Variants in RXFP2 observed in about 807,000 individuals in gnomAD.
The protein encoded by RXFP2 is relaxin family peptide receptor 2.
Under a neutral mutation model 88.6 loss-of-function variants are expected in RXFP2, and 68 were observed. The observed-to-expected ratio is 0.77, with a 90% CI of 0.63 to 0.94. The LOEUF (loss-of-function observed/expected upper bound fraction) is 0.94. RXFP2 is among the 40% of genes least tolerant of loss of function. RXFP2 has a pLI of 0.00. For synonymous variants in RXFP2, 329 were observed against 306.8 expected (o/e 1.07, Z -0.76); for missense variants, 791 against 893.9 (o/e 0.88, Z 1.47).
Position 31,802,737 on chromosome 13 carries a change from A to G in RXFP2, c.*332A>G, listed in dbSNP as rs567986373. The G allele has an allele frequency of 4.6e-5, 16 of 347,530 alleles. No homozygotes were observed. Among genetic ancestry groups the G allele is most frequent in the South Asian group, 4.4e-4 (16 of 36,054 alleles). 21.5% of individuals were successfully genotyped at this position (347,530 alleles called of 1,614,324 possible). A position where few individuals can be genotyped will look rare whatever the true frequency, so the allele number is the denominator to read the frequency against. On this transcript the variant is annotated 3_prime_UTR_variant, in exon 18 of 18. Coordinates refer to ENST00000298386, the MANE Select transcript of RXFP2 (RefSeq NM_130806.5). The stretch of plus-strand genomic sequence containing the variant: ...AGGTTGGCACTGTGTGGTCTTTCAC[A>G]TCGGGTTGCACTGTCCATGAAATAG...
chr13:31,775,231 A>T (rs1872892987), intron 6 of RXFP2, 87 bp from the exon 7 acceptor site: 1 of 1,068,258 alleles, frequency 9.4e-7, no homozygotes, highest in Admixed American at 1.7e-5. Flanking sequence ...CATATCCATA[A>T]TCATCATCAG....
At chr13:31,794,541 A>T (rs1873940432) in intron 16 of RXFP2, among the ~76,000 whole-genome samples, 1 of 152,210 alleles carries the variant, frequency 6.6e-6, no homozygotes, top group South Asian at 2.1e-4. Flanking sequence ...GAGGAGGCAG[A>T]CAAGTCAACA....
At chr13:31,794,404 A>ACC (rs1555286037) in intron 16 of RXFP2, among the ~76,000 whole-genome samples, 1 of 114,314 alleles carries the variant, frequency 8.7e-6, no homozygotes, top group African/African-American at 3.1e-5. Flanking sequence ...ACACACACAC[A>ACC]CACACCATGA....
intron 1 of RXFP2, among the ~76,000 whole-genome samples, chr13:31,756,842 A>G (rs1010158501): frequency 6.6e-6 from 1 of 152,074 alleles, no homozygotes; most frequent in African/African-American, 2.4e-5. Flanking sequence ...GCTGGTCTCA[A>G]ACTGCTGGCC....
At chr13:31,761,674 T>G in intron 2 of RXFP2, 50 bp from the exon 3 acceptor site, 1 of 1,195,210 alleles carries the variant, frequency 8.4e-7, no homozygotes, top group Non-Finnish European at 1.3e-6. Flanking sequence ...TTTTGTCAGA[T>G]GGTATTTAGT....
intron 1 of RXFP2, among the ~76,000 whole-genome samples, chr13:31,746,767 T>TATTATATACAGC (rs199792400): frequency 6.6e-6 from 1 of 151,912 alleles, no homozygotes; most frequent in South Asian, 2.1e-4. Context: ...GGCTAAAAAA[T>TATTATATACAGC]AATATATCTA....
intron 2 of RXFP2, among the ~76,000 whole-genome samples, chr13:31,759,878 T>C (rs1427757366): frequency 6.6e-6 from 1 of 152,062 alleles, no homozygotes; most frequent in Non-Finnish European, 1.5e-5. Context: ...ATAGCCTCTA[T>C]CCACACTTCC....
intron 9 of RXFP2, among the ~76,000 whole-genome samples, chr13:31,780,523 T>A (rs548153611): frequency 1.3e-5 from 2 of 152,354 alleles, no homozygotes; most frequent in African/African-American, 4.8e-5. Flanking sequence ...TCCAAGATAG[T>A]TTTAAAATAG....
intron 16 of RXFP2, among the ~76,000 whole-genome samples, chr13:31,794,029 C>T (rs1369170349): frequency 6.6e-6 from 1 of 152,152 alleles, no homozygotes; most frequent in Non-Finnish European, 1.5e-5. Flanking sequence ...ATCAAAAGGA[C>T]TGTGTACACC....
At chr13:31,795,502 A>G (rs1873989485) in intron 16 of RXFP2, among the ~76,000 whole-genome samples, 1 of 152,174 alleles carries the variant, frequency 6.6e-6, no homozygotes, top group Non-Finnish European at 1.5e-5. Flanking sequence ...AATTTGGGGC[A>G]GGGGAGCATT....
In RXFP2 at chr13:31,775,610, C is replaced by G. The variant is rs183088532; in HGVS notation, c.641+221C>G. Reference sequence around the variant, plus strand: ...TGCTAAGAACCATCTGTGGCCTCTACCCACTAGATGCCTGTAGTATACCCC... The same window carrying G: ...TGCTAAGAACCATCTGTGGCCTCTAGCCACTAGATGCCTGTAGTATACCCC... On this transcript the variant is annotated intron_variant, in intron 7 of 17. Transcript: ENST00000298386. 1.9e-3 allele frequency among the ~76,000 whole-genome samples: 279 copies of G among 148,646 alleles called. 1 individual carries two copies. Among genetic ancestry groups the G allele is most frequent in the African/African-American group, 7.1e-3 (270 of 38,116 alleles).
intron 17 of RXFP2, among the ~76,000 whole-genome samples, chr13:31,801,430 C>G (rs1350344850): frequency 6.6e-6 from 1 of 152,048 alleles, no homozygotes; most frequent in Non-Finnish European, 1.5e-5. Flanking sequence ...TTCGCTCACA[C>G]TCAACCTAGC....
chr13:31,802,583 G>A lies in RXFP2; in HGVS notation c.*178G>A. ...GGCAGCTGTACTATCTACCAACCAT[G>A]CTGAGGACAGCACCAAAGGTTCCTC... On this transcript the variant is annotated 3_prime_UTR_variant, in exon 18 of 18. Transcript: ENST00000298386. 1 of 692,464 alleles carries A rather than the reference G, an allele frequency of 1.4e-6. No individual in the cohort carries two copies. The highest frequency in any genetic ancestry group is 2.5e-6 in the Non-Finnish European group (1 of 395,688). The allele number at this position is 692,464 out of a possible 1,614,324, so 42.9% of individuals were successfully genotyped here.
chr13:31,760,073 G>GTTGT (rs141810581), intron 2 of RXFP2, among the ~76,000 whole-genome samples: 24,638 of 150,586 alleles, frequency 0.16, 2,001 homozygotes, highest in South Asian at 0.22. Context: ...CAGTGTTGTT[G>GTTGT]TTGTTTGTTT....
chr13:31,753,967 T>C (rs1871799161), intron 1 of RXFP2, among the ~76,000 whole-genome samples: 1 of 152,082 alleles, frequency 6.6e-6, no homozygotes, highest in Non-Finnish European at 1.5e-5. Flanking sequence ...TACATAAAAT[T>C]TGTGCTTTGA....
chr13:31,790,212 C>T (rs1873730258), intron 14 of RXFP2, among the ~76,000 whole-genome samples: 1 of 152,162 alleles, frequency 6.6e-6, no homozygotes, highest in Admixed American at 6.5e-5. Context: ...AACATCCCCA[C>T]CTTGTCACCC....
chr13:31,744,854 C>T (rs1028021964), intron 1 of RXFP2, among the ~76,000 whole-genome samples: 9 of 152,044 alleles, frequency 5.9e-5, no homozygotes, highest in Admixed American at 3.3e-4. Flanking sequence ...ATTTTAATCA[C>T]GCAGAGTTTA....
In RXFP2 at chr13:31,786,598, A is replaced by T; in HGVS notation, c.1034A>T (p.His345Leu). The T allele has an allele frequency of 6.2e-7, 1 of 1,604,088 alleles. No homozygotes were observed. Among genetic ancestry groups the T allele is most frequent in the African/African-American group, 1.3e-5 (1 of 74,630 alleles). The change falls in exon 13 of 18, where the codon CAC (histidine) becomes CTC (leucine). Residue 345 changes from histidine (H) to leucine (L), a missense_variant. Coordinates refer to ENST00000298386, the MANE Select transcript of RXFP2 (RefSeq NM_130806.5). ...TCATCCAATCCTCTTATGTATCTTCACAAGAACCAGTTTGAAAGTCTTAAA... is the reference window on the plus strand; with the variant it reads ...TCATCCAATCCTCTTATGTATCTTCTCAAGAACCAGTTTGAAAGTCTTAAA... Reference protein sequence around the residue: ...NLSSNPLMYLHKNQFESLKQL... With the variant: ...NLSSNPLMYLLKNQFESLKQL...
intron 1 of RXFP2, among the ~76,000 whole-genome samples, chr13:31,747,111 G>A (rs1260595075): frequency 3.3e-5 from 5 of 151,942 alleles, no homozygotes; most frequent in East Asian, 1.9e-4. Context: ...AAAATAAATT[G>A]CCCTCCCTAA....
Sources: gnomAD v4.1 joint callset for allele counts (sites outside exome capture counted in the v4.1 genomes callset) on GRCh38, gnomAD v4.1.1 for gene constraint, MANE v1.5 for transcripts, NCBI Gene and HGNC (gene_info 2026-07-23, HGNC 2026-07-21) for gene names.